CRADD: variants seen among roughly 807,000 people sequenced by gnomAD.
CRADD encodes the protein death domain-containing protein CRADD.
A neutral mutation model predicts 15.5 loss-of-function variants in CRADD; 9 were observed. The observed-to-expected ratio is 0.58, with a 90% confidence interval of 0.35 to 1.01. The LOEUF is 1.01. Among genes scored for constraint, CRADD ranks in the 50% least tolerant of loss-of-function variants. The pLI is 0.02. For synonymous variants in CRADD, 118 were observed against 107.6 expected, an observed-to-expected ratio of 1.10 and a Z score of -0.60; for missense variants, 227 against 250.3, an observed-to-expected ratio of 0.91 and a Z score of 0.63.
chr12:93,735,240 T>A (rs1956545727), intron 2 of CRADD, among the ~76,000 whole-genome samples: 1 of 152,164 alleles, frequency 6.6e-6, no homozygotes, highest in Non-Finnish European at 1.5e-5. Flanking sequence ...CCCTCTAGGA[T>A]GTGATTTTAG....
At chr12:93,890,568 C>CA (rs200173760) in intron 2 of CRADD, among the ~76,000 whole-genome samples, 5,559 of 152,206 alleles carry the variant, frequency 0.037, 159 homozygotes, top group Non-Finnish European at 0.055. Flanking sequence ...GGCAGGAGCC[C>CA]AGAGCTTGGG....
At chr12:93,746,690 T>A (rs1956756401) in intron 2 of CRADD, among the ~76,000 whole-genome samples, 1 of 152,208 alleles carries the variant, frequency 6.6e-6, no homozygotes, top group Non-Finnish European at 1.5e-5. Flanking sequence ...AGACTTGCGA[T>A]GAACCCAAGG....
At chr12:93,841,652 C>A (rs565839034) in intron 2 of CRADD, among the ~76,000 whole-genome samples, 1 of 152,160 alleles carries the variant, frequency 6.6e-6, no homozygotes, top group African/African-American at 2.4e-5. Context: ...CTCCTCCTAC[C>A]CCGTGGGAAG....
chr12:93,721,130 G>A (rs989430341), intron 2 of CRADD, among the ~76,000 whole-genome samples: 2 of 152,114 alleles, frequency 1.3e-5, no homozygotes, highest in Non-Finnish European at 2.9e-5. Flanking sequence ...AGTCTCAACT[G>A]TGTTGCCCAG....
At chr12:93,813,827 A>G (rs996565236) in intron 2 of CRADD, among the ~76,000 whole-genome samples, 4 of 152,138 alleles carry the variant, frequency 2.6e-5, no homozygotes, top group Non-Finnish European at 5.9e-5. Flanking sequence ...GAAAGAGTCT[A>G]TAGGCTTTAA....
rs76564891 is a variant in CRADD, at chr12:93,746,916, C to T, written c.298+67844C>T. ...GCAGTGAAACTGATGAATATTCACA[C>T]GCAGTGGATAAATAAAAACTATAAA... On this transcript the variant is annotated intron_variant, in intron 2 of 2. Coordinates refer to ENST00000332896, the MANE Select transcript of CRADD (RefSeq NM_003805.5). Among the ~76,000 whole-genome samples, 482 of 151,880 alleles carry T rather than the reference C, an allele frequency of 3.2e-3. 2 individuals carry two copies. The highest frequency in any genetic ancestry group is 0.01 in the African/African-American group (419 of 41,422).
At chr12:93,865,943 A>G (rs1028337748) in intron 2 of CRADD, among the ~76,000 whole-genome samples, 10 of 152,166 alleles carry the variant, frequency 6.6e-5, no homozygotes, top group Non-Finnish European at 1.5e-4. Flanking sequence ...TTGGCTGGGT[A>G]TAAAATTCTA....
chr12:93,756,037 A>C (rs1311951924), intron 2 of CRADD, among the ~76,000 whole-genome samples: 2 of 152,192 alleles, frequency 1.3e-5, no homozygotes, highest in Non-Finnish European at 1.5e-5. Flanking sequence ...TTGTTTATTG[A>C]GCATGGTTTA....
At chr12:93,847,097 C>T (rs527872181) in intron 2 of CRADD, among the ~76,000 whole-genome samples, 13 of 152,042 alleles carry the variant, frequency 8.6e-5, no homozygotes, top group South Asian at 2.1e-4. Flanking sequence ...AGCGAGACTC[C>T]GTCTCAGAAA....
In CRADD at chr12:93,834,370, CAT is replaced by C. The variant is rs370097826; in HGVS notation, c.299-15598_299-15597del. Reference sequence around the variant, plus strand: ...TTAGTTAGTTACATTGCTGTTTTCACATAGTCAAGTATATAATATTTACATTC... The same window carrying C: ...TTAGTTAGTTACATTGCTGTTTTCACAGTCAAGTATATAATATTTACATTC... On this transcript the variant is annotated intron_variant, in intron 2 of 2. Coordinates refer to ENST00000332896, the MANE Select transcript of CRADD (RefSeq NM_003805.5). Among the ~76,000 whole-genome samples the C allele has an allele frequency of 5.1e-4, 77 of 152,250 alleles. No individual in the cohort carries two copies. In the East Asian group the frequency reaches 9.5e-3, roughly 19 times the overall value.
At chr12:93,821,347 C>T (rs534881920) in intron 2 of CRADD, among the ~76,000 whole-genome samples, 1 of 152,300 alleles carries the variant, frequency 6.6e-6, no homozygotes, top group African/African-American at 2.4e-5. Flanking sequence ...GCTCGTTCAA[C>T]CTCTTCATTT....
At chr12:93,846,002 C>T (rs1197521305) in intron 2 of CRADD, among the ~76,000 whole-genome samples, 1 of 151,570 alleles carries the variant, frequency 6.6e-6, no homozygotes, top group African/African-American at 2.4e-5. Flanking sequence ...AATTCGACAA[C>T]TCCAAGTACC....
chr12:93,750,489 C>T (rs1367232714), intron 2 of CRADD, among the ~76,000 whole-genome samples: 1 of 151,970 alleles, frequency 6.6e-6, no homozygotes, highest in Non-Finnish European at 1.5e-5. Flanking sequence ...TTTTATTGTC[C>T]TATAGAATAT....
intron 2 of CRADD, among the ~76,000 whole-genome samples, chr12:93,679,282 C>T (rs537083314): frequency 1.1e-4 from 16 of 152,262 alleles, no homozygotes; most frequent in Non-Finnish European, 1.6e-4. Flanking sequence ...GCTGGGAATA[C>T]AGGCATTTGC....
At chr12:93,847,996 A>G (rs972219470) in intron 2 of CRADD, among the ~76,000 whole-genome samples, 7 of 152,282 alleles carry the variant, frequency 4.6e-5, no homozygotes, top group Admixed American at 2.0e-4. Context: ...AAAAGGTCAT[A>G]TGTTATCATT....
chr12:93,869,702 A>G (rs1958402136), intron 2 of CRADD, among the ~76,000 whole-genome samples: 1 of 152,180 alleles, frequency 6.6e-6, no homozygotes, highest in South Asian at 2.1e-4. Flanking sequence ...TTTGAAAACA[A>G]CAGAAGGAAA....
intron 2 of CRADD, among the ~76,000 whole-genome samples, chr12:93,739,182 C>T (rs142094986): frequency 6.6e-5 from 10 of 152,210 alleles, no homozygotes; most frequent in African/African-American, 2.4e-4. Context: ...TGGGCACCAG[C>T]CCTGATGAAC....
At position 93,711,817 on chromosome 12, in the gene CRADD, A is replaced by C. The variant is rs372901288; in HGVS notation, c.298+32745A>C. 8.0e-4 allele frequency among the ~76,000 whole-genome samples: 120 copies of C among 150,668 alleles called. 4 individuals carry two copies. The South Asian group carries it at 0.025, about 31-fold the overall frequency. ...GTCCCCCAGGTTGGAGTGCAGTGGC[A>C]CAATCTCAGCTCACTGCAACCTCCA... On this transcript the variant is annotated intron_variant, in intron 2 of 2. Coordinates refer to ENST00000332896, the MANE Select transcript of CRADD (RefSeq NM_003805.5).
chr12:93,820,922 G>T (rs1309759167), intron 2 of CRADD, among the ~76,000 whole-genome samples: 1 of 152,200 alleles, frequency 6.6e-6, no homozygotes, highest in Non-Finnish European at 1.5e-5. Flanking sequence ...TCATCAGGAA[G>T]GAGATTTTGC....
Sources: allele counts gnomAD v4.1 joint callset (sites outside exome capture counted in the v4.1 genomes callset), GRCh38; gene constraint gnomAD v4.1.1; transcripts MANE v1.5; gene names NCBI Gene and HGNC (gene_info 2026-07-23, HGNC 2026-07-21).